ZEB2: variants seen among roughly 807,000 people sequenced by gnomAD.
ZEB2 encodes the protein zinc finger E-box-binding homeobox 2.
Under a neutral mutation model 99.9 loss-of-function variants are expected in ZEB2, and 6 were observed. The observed-to-expected ratio is 0.06, with a 90% CI of 0.03 to 0.12. ZEB2 has a LOEUF of 0.12. Ranked by LOEUF, ZEB2 falls within the 10% of genes least tolerant of loss-of-function variation. The pLI, the probability that ZEB2 is intolerant of heterozygous loss-of-function variation, is 1.00. For missense variants in ZEB2, 969 were observed against 1,502.8 expected, an observed-to-expected ratio of 0.64 and a Z score of 5.87; for synonymous variants, 517 against 542.5, an observed-to-expected ratio of 0.95 and a Z score of 0.65.
At chr2:144,412,528 G>T (rs1305263731) in intron 4 of ZEB2, among the ~76,000 whole-genome samples, 1 of 152,174 alleles carries the variant, frequency 6.6e-6, no homozygotes, top group African/African-American at 2.4e-5. Flanking sequence ...TATCATCTGG[G>T]AGCTTGCTTG....
chr2:144,429,603 A>T, intron 3 of ZEB2, 166 bp downstream of exon 3: 1 of 1,061,636 alleles, frequency 9.4e-7, no homozygotes, highest in Non-Finnish European at 1.4e-6. Flanking sequence ...TGATAACATT[A>T]CTATCACTTC....
chr2:144,423,392 AT>A (rs964462838), intron 4 of ZEB2, among the ~76,000 whole-genome samples: 11 of 152,196 alleles, frequency 7.2e-5, no homozygotes, highest in African/African-American at 2.4e-4. Context: ...ATATCGCTTT[AT>A]TTTTGTTTTA....
At position 144,396,554 on chromosome 2, in the gene ZEB2, G is replaced by T; in HGVS notation, c.2925C>A (p.Gly975=). Residue 975 remains glycine, a synonymous_variant, in exon 9 of 10, where the codon GGC becomes GGA. Coordinates refer to ENST00000627532, the MANE Select transcript of ZEB2 (RefSeq NM_014795.4). ...LLDGAQDYMS[G]LDDMTDSDSC... is the part of the protein sequence containing the mutation. ...AGTCGGAGTCTGTCATATCATCTAG[G>T]CCTGACATGTAGTCTTGTGCTCCAT... The T allele has an allele frequency of 6.2e-7, 1 of 1,613,958 alleles. No individual in the cohort carries two copies. Among genetic ancestry groups the T allele is most frequent in the Non-Finnish European group, 8.5e-7 (1 of 1,179,982 alleles).
At chr2:144,433,371 G>A (rs1356474916) in intron 2 of ZEB2, among the ~76,000 whole-genome samples, 1 of 152,148 alleles carries the variant, frequency 6.6e-6, no homozygotes, top group African/African-American at 2.4e-5. Context: ...GTACTGTACT[G>A]TATTACAGGG....
Position 144,516,608 on chromosome 2 carries a change from G to GC in ZEB2, c.73+669dup, listed in dbSNP as rs70985862. ...GACTCCTTCAGTCCCCGGCCTGGGG[G>GC]CAGAGCCTGCTGGAGAGGAGTCATC... On this transcript the variant is annotated intron_variant, in intron 2 of 9. Transcript: ENST00000627532. The GC allele has an allele frequency of 1, 151,523 of 151,526 alleles. 75,760 individuals carry two copies. Among genetic ancestry groups the GC allele is most frequent in the Non-Finnish European group, 1 (67,980 of 67,980 alleles). The allele number at this position is 151,526 out of a possible 1,614,324, so 9.4% of individuals were successfully genotyped here. A position where few individuals can be genotyped will look rare whatever the true frequency, so the allele number is the denominator to read the frequency against.
At chr2:144,401,146 C>G in intron 7 of ZEB2, 53 bp downstream of exon 7, 1 of 1,501,382 alleles carries the variant, frequency 6.7e-7, no homozygotes, top group Non-Finnish European at 9.3e-7. Context: ...TCTTTTAAAA[C>G]TCCCCTAATT....
At chr2:144,513,024 C>T in intron 2 of ZEB2, 1 of 1,287,190 alleles carries the variant, frequency 7.8e-7, no homozygotes, top group Non-Finnish European at 1.0e-6. Context: ...GACAGTGATC[C>T]GAAGGAAACT....
chr2:144,487,375 T>C (rs868104547), intron 2 of ZEB2, among the ~76,000 whole-genome samples: 6 of 152,182 alleles, frequency 3.9e-5, no homozygotes, highest in African/African-American at 1.4e-4. Flanking sequence ...TTGAATGATA[T>C]ATACTTATGA....
At chr2:144,504,093 AACAAC>A (rs1560653621) in intron 2 of ZEB2, 2 of 15,354 alleles carry the variant, frequency 1.3e-4, no homozygotes, top group Non-Finnish European at 3.6e-4. Context: ...AAAAAAAAAA[AACAAC>A]AAAAAAAACA....
chr2:144,433,248 A>G (rs909993684), intron 2 of ZEB2, among the ~76,000 whole-genome samples: 2 of 152,206 alleles, frequency 1.3e-5, no homozygotes, highest in African/African-American at 4.8e-5. Context: ...GAGCAGTAAT[A>G]AATGTCCAAA....
At chr2:144,517,901 C>T (rs144135134) in intron 1 of ZEB2, 4 of 467,168 alleles carry the variant, frequency 8.6e-6, no homozygotes, top group African/African-American at 2.0e-5. Context: ...GAAGCACACT[C>T]GGGCAAATTG....
intron 2 of ZEB2, among the ~76,000 whole-genome samples, chr2:144,467,353 G>C (rs1704286799): frequency 6.6e-6 from 1 of 152,074 alleles, no homozygotes; most frequent in South Asian, 2.1e-4. Context: ...GGGAAAAAAA[G>C]CAGACCACAT....
Position 144,398,436 on chromosome 2 carries a change from A to G in ZEB2, c.2751T>C (p.Ile917=). Reference sequence around the variant, plus strand: ...GTCCTGGGTATGGTCGTAGCCCAGGAATACTGGTCTGGACTGGTGGCATGA... The same window carrying G: ...GTCCTGGGTATGGTCGTAGCCCAGGGATACTGGTCTGGACTGGTGGCATGA... ...ATFMPPVQTS[I]PGLRPYPGLD... The change falls in exon 8 of 10, where the codon ATT becomes ATC. Residue 917 remains isoleucine (I), a synonymous_variant. Transcript: ENST00000627532. 3.1e-6 allele frequency: 5 copies of G among 1,614,072 alleles called. No individual in the cohort carries two copies. The highest frequency in any genetic ancestry group is 4.2e-6 in the Non-Finnish European group (5 of 1,179,990).
rs1181481822 is a variant in ZEB2, at chr2:144,396,661, G to A, written c.2887-69C>T. 2.0e-6 allele frequency: 3 copies of A among 1,537,236 alleles called. No homozygotes were observed. In the African/African-American group the frequency reaches 4.1e-5, roughly 21 times the overall value. On this transcript the variant is annotated intron_variant, in intron 8 of 9. Coordinates refer to ENST00000627532, the MANE Select transcript of ZEB2 (RefSeq NM_014795.4). ...GCTCACACCAAACAACTTCACATAGGGGGACATTTGGAGAACCTCAAAATT... is the reference window on the plus strand; with the variant it reads ...GCTCACACCAAACAACTTCACATAGAGGGACATTTGGAGAACCTCAAAATT...
chr2:144,413,646 A>G (rs549547413), intron 4 of ZEB2, among the ~76,000 whole-genome samples: 1 of 152,332 alleles, frequency 6.6e-6, no homozygotes, highest in Admixed American at 6.5e-5. Context: ...TCCAACCTAT[A>G]AAAATGTGAT....
chr2:144,390,929 TA>T (rs913865507), intron 9 of ZEB2, among the ~76,000 whole-genome samples: 30 of 151,958 alleles, frequency 2.0e-4, no homozygotes, highest in South Asian at 4.2e-4. Flanking sequence ...ATAGAACTGA[TA>T]AAAAAAAATT....
intron 2 of ZEB2, among the ~76,000 whole-genome samples, chr2:144,479,068 A>C (rs1704470599): frequency 6.6e-6 from 1 of 152,252 alleles, no homozygotes; most frequent in Non-Finnish European, 1.5e-5. Context: ...CAATAAAATC[A>C]AACGTCATTT....
intron 4 of ZEB2, among the ~76,000 whole-genome samples, chr2:144,406,274 A>T (rs1399198654): frequency 1.3e-5 from 2 of 152,152 alleles, no homozygotes; most frequent in Admixed American, 1.3e-4. Context: ...CTAGTGTGTG[A>T]TAGGCATCAT....
intron 2 of ZEB2, among the ~76,000 whole-genome samples, chr2:144,488,803 G>A (rs1455849180): frequency 6.6e-6 from 1 of 151,882 alleles, no homozygotes; most frequent in African/African-American, 2.4e-5. Context: ...AAACATTAAA[G>A]TTTCTAAAGT....
Sources: allele counts gnomAD v4.1 joint callset (sites outside exome capture counted in the v4.1 genomes callset), GRCh38; gene constraint gnomAD v4.1.1; transcripts MANE v1.5; gene names NCBI Gene and HGNC (gene_info 2026-07-23, HGNC 2026-07-21).